Variants in CYP2C19 observed in about 807,000 individuals in gnomAD.
CYP2C19 encodes cytochrome P450 2C19.
CYP2C19 carries 59 observed loss-of-function variants against 40.9 expected under a neutral mutation model. The ratio of observed to expected loss-of-function variants is 1.44; its 90% CI spans 1.17 to 1.79. CYP2C19 has a LOEUF of 1.79. Among genes scored for constraint, CYP2C19 ranks in the 40% most tolerant of loss-of-function variants. The pLI is 0.00. For synonymous variants in CYP2C19, 253 were observed against 208.7 expected (o/e 1.21, Z -1.83); for missense variants, 754 against 596.9 (o/e 1.26, Z -2.74).
chr10:94,772,206 C>T (rs939245244), intron 1 of CYP2C19, among the ~76,000 whole-genome samples: 3 of 151,974 alleles, frequency 2.0e-5, no homozygotes, highest in Non-Finnish European at 4.4e-5. Context: ...TCTGAGGATC[C>T]CCATATCCTA....
At chr10:94,771,311 C>T (rs1398187470) in intron 1 of CYP2C19, among the ~76,000 whole-genome samples, 2 of 152,036 alleles carry the variant, frequency 1.3e-5, no homozygotes, top group Non-Finnish European at 1.5e-5. Flanking sequence ...GGAAGTGGAA[C>T]TATAGGTAGG....
rs117312065 is a variant in CYP2C19, at chr10:94,844,705, C to T, written c.1149+1681C>T. On this transcript the variant is annotated intron_variant, in intron 7 of 8. Coordinates refer to ENST00000371321, the MANE Select transcript of CYP2C19 (RefSeq NM_000769.4). ...GATTATGGGGCTTACCCTGAGGTCA[C>T]TGATTTAGTACAAGAGTTAAGACTT... Among the ~76,000 whole-genome samples the T allele has an allele frequency of 1.6e-3, 239 of 152,284 alleles. 1 individual carries two copies. The highest frequency in any genetic ancestry group is 2.7e-3 in the Non-Finnish European group (186 of 68,038).
intron 5 of CYP2C19, among the ~76,000 whole-genome samples, chr10:94,785,894 C>G (rs1006654120): frequency 6.6e-6 from 1 of 152,062 alleles, no homozygotes; most frequent in Non-Finnish European, 1.5e-5. Context: ...AGTGGAAAGT[C>G]CATTTGCATA....
At chr10:94,823,839 A>G (rs944225560) in intron 6 of CYP2C19, among the ~76,000 whole-genome samples, 4 of 152,224 alleles carry the variant, frequency 2.6e-5, no homozygotes, top group Non-Finnish European at 4.4e-5. Context: ...GCCTAGTTAT[A>G]GAAAGTCCTG....
chr10:94,842,707 C>T, intron 6 of CYP2C19, 130 bp from the exon 7 acceptor site: 1 of 1,049,032 alleles, frequency 9.5e-7, no homozygotes, highest in Non-Finnish European at 1.4e-6. Flanking sequence ...GTTACACATA[C>T]TTCCAGCACT....
intron 5 of CYP2C19, among the ~76,000 whole-genome samples, chr10:94,801,917 G>T (rs544697310): frequency 6.6e-6 from 1 of 152,162 alleles, no homozygotes; most frequent in South Asian, 2.1e-4. Context: ...AGCTTTTAAA[G>T]GTGTTGCAGA....
intron 7 of CYP2C19, among the ~76,000 whole-genome samples, chr10:94,846,243 GT>G (rs2134289279): frequency 6.6e-6 from 1 of 152,162 alleles, no homozygotes; most frequent in Non-Finnish European, 1.5e-5. Context: ...TCTGTGAAGA[GT>G]TGAGGCCTTT....
intron 5 of CYP2C19, among the ~76,000 whole-genome samples, chr10:94,800,919 T>A (rs999738512): frequency 1.3e-5 from 2 of 152,138 alleles, no homozygotes; most frequent in Non-Finnish European, 2.9e-5. Context: ...CCAGGTATCA[T>A]CTCTCACGGC....
intron 5 of CYP2C19, among the ~76,000 whole-genome samples, chr10:94,818,642 C>T (rs553951580): frequency 8.4e-4 from 124 of 147,838 alleles, no homozygotes; most frequent in Middle Eastern, 3.4e-3. Flanking sequence ...ATTTTATTCT[C>T]TTTGAAGCAA....
In CYP2C19 at chr10:94,852,804, A is replaced by C; in HGVS notation, c.1363A>C (p.Asn455His). The change falls in exon 9 of 9, where the codon AAC (asparagine) becomes CAC (histidine). Residue 455 changes from asparagine to histidine, a missense_variant. By Grantham distance (68) the Asn-to-His change is moderately conservative. Transcript: ENST00000371321. ...LFLFLTFILQ[N>H]FNLKSLIDPK... The stretch of plus-strand genomic sequence containing the variant: ...TTTATTCCTGACCTTCATTTTACAG[A>C]ACTTTAACCTGAAATCTCTGATTGA... The C allele has an allele frequency of 6.2e-7, 1 of 1,614,028 alleles. No homozygotes were observed. The highest frequency in any genetic ancestry group is 8.5e-7 in the Non-Finnish European group (1 of 1,179,970).
intron 5 of CYP2C19, among the ~76,000 whole-genome samples, chr10:94,784,665 G>A (rs578136133): frequency 5.4e-4 from 82 of 151,900 alleles, no homozygotes; most frequent in Non-Finnish European, 8.7e-4. Context: ...GCCTAGGCTC[G>A]AGTGCAGTAG....
chr10:94,827,728 C>A (rs1424437501), intron 6 of CYP2C19, among the ~76,000 whole-genome samples: 1 of 152,084 alleles, frequency 6.6e-6, no homozygotes, highest in East Asian at 1.9e-4. Flanking sequence ...TTTGCTCTTG[C>A]TTTTCTAGTT....
At chr10:94,782,397 AAAC>A (rs1848490835) in intron 5 of CYP2C19, among the ~76,000 whole-genome samples, 1 of 152,140 alleles carries the variant, frequency 6.6e-6, no homozygotes, top group African/African-American at 2.4e-5. Flanking sequence ...ATGCAAATAA[AAAC>A]AACAATGAGA....
chr10:94,799,568 G>A (rs1454555352), intron 5 of CYP2C19, among the ~76,000 whole-genome samples: 4 of 152,080 alleles, frequency 2.6e-5, no homozygotes, highest in African/African-American at 9.7e-5. Flanking sequence ...GGTTGGGGAA[G>A]TTCTTCACTT....
intron 5 of CYP2C19, among the ~76,000 whole-genome samples, chr10:94,812,345 T>G (rs919761103): frequency 6.6e-6 from 1 of 152,080 alleles, no homozygotes; most frequent in Non-Finnish European, 1.5e-5. Context: ...CTGACAATTA[T>G]GTGTCTTGGG....
In CYP2C19 at chr10:94,843,173, G is replaced by T. The variant is rs1204711215; in HGVS notation, c.1149+149G>T. On this transcript the variant is annotated intron_variant, in intron 7 of 8. Coordinates refer to ENST00000371321, the MANE Select transcript of CYP2C19 (RefSeq NM_000769.4). ...TTGGACTTTCTGTTGATTCCAGTTT[G>T]GGACTATAAAGATTTGTAACAGGTC... The T allele has an allele frequency of 3.1e-6, 3 of 967,284 alleles. No homozygotes were observed. In the East Asian group the frequency reaches 7.6e-5, roughly 24 times the overall value. 59.9% of individuals were successfully genotyped at this position (967,284 alleles called of 1,614,324 possible).
chr10:94,798,235 C>T (rs1265491726), intron 5 of CYP2C19, among the ~76,000 whole-genome samples: 1 of 152,106 alleles, frequency 6.6e-6, no homozygotes, highest in South Asian at 2.1e-4. Flanking sequence ...TTTCTTCCTT[C>T]ATTTCGTTAT....
At chr10:94,846,751 A>G (rs987342550) in intron 7 of CYP2C19, among the ~76,000 whole-genome samples, 1 of 151,918 alleles carries the variant, frequency 6.6e-6, no homozygotes, top group Non-Finnish European at 1.5e-5. Flanking sequence ...GGTTAGTTAC[A>G]TATGTATACA....
chr10:94,823,241 G>A (rs1408652873), intron 6 of CYP2C19, among the ~76,000 whole-genome samples: 8 of 152,080 alleles, frequency 5.3e-5, no homozygotes, highest in Non-Finnish European at 1.2e-4. Context: ...CTCTGCCTAG[G>A]TTTCCTACAC....
Sources: gnomAD v4.1 joint callset for allele counts (sites outside exome capture counted in the v4.1 genomes callset) on GRCh38, gnomAD v4.1.1 for gene constraint, MANE v1.5 for transcripts, NCBI Gene and HGNC (gene_info 2026-07-23, HGNC 2026-07-21) for gene names.